The following RGPD2 variants were observed in gnomAD, a reference collection of about 807,000 sequenced individuals.
The protein encoded by RGPD2 is RANBP2 like and GRIP domain containing 2.
In RGPD2, 2 loss-of-function variants were observed where a neutral mutation model predicts 36.0. The observed-to-expected ratio is 0.06, with a 90% CI of 0.02 to 0.17. RGPD2 has a LOEUF of 0.17. Ranked by LOEUF, RGPD2 falls within the 10% of genes least tolerant of loss-of-function variation. The probability of loss-of-function intolerance (pLI) is 1.00; values close to 1 mark genes in which losing one functional copy is unlikely to be tolerated. For missense variants in RGPD2, 40 were observed against 464.3 expected (o/e 0.09, Z 8.40); for synonymous variants, 19 against 163.8 (o/e 0.12, Z 6.75).
At chr2:87,769,750 A>C (rs1304220802) in intron 22 of RGPD2, among the ~76,000 whole-genome samples, 2 of 151,262 alleles carry the variant, frequency 1.3e-5, no homozygotes, top group Non-Finnish European at 3.0e-5. Flanking sequence ...TATAACTATA[A>C]AATTAGTTAT....
the RGPD2 span, among the ~76,000 whole-genome samples, chr2:87,876,573 T>C: frequency 1.3e-5 from 2 of 152,306 alleles, no homozygotes; most frequent in Non-Finnish European, 2.9e-5. Flanking sequence ...TCAAATTTGA[T>C]TGCACTGTGG....
chr2:87,830,837 C>A, the RGPD2 span, among the ~76,000 whole-genome samples: 1 of 152,136 alleles, frequency 6.6e-6, no homozygotes, highest in South Asian at 2.1e-4. Flanking sequence ...TGGAAAAACC[C>A]ACCCCCATGA....
At chr2:87,957,236 T>TGGC in the RGPD2 span, among the ~76,000 whole-genome samples, 1 of 116,242 alleles carries the variant, frequency 8.6e-6, no homozygotes, top group African/African-American at 3.3e-5. Flanking sequence ...ACAAGGTCAC[T>TGGC]GGGGGGGGGC....
chr2:87,971,588 A>T, the RGPD2 span, among the ~76,000 whole-genome samples: 2 of 145,486 alleles, frequency 1.4e-5, no homozygotes, highest in Non-Finnish European at 3.0e-5. Flanking sequence ...CAAATCTAGG[A>T]TCTTTATTTT....
the RGPD2 span, among the ~76,000 whole-genome samples, chr2:87,988,190 C>T: frequency 7.6e-6 from 1 of 131,104 alleles, no homozygotes; most frequent in Admixed American, 8.4e-5. Flanking sequence ...TGGCAAATCC[C>T]TTCAATTCTA....
At chr2:87,984,685 C>T in the RGPD2 span, among the ~76,000 whole-genome samples, 1 of 146,906 alleles carries the variant, frequency 6.8e-6, no homozygotes, top group Admixed American at 6.9e-5. Context: ...AATCCCAGCA[C>T]TTTGGGAGGC....
At chr2:87,844,627 A>ATT in the RGPD2 span, among the ~76,000 whole-genome samples, 1 of 151,822 alleles carries the variant, frequency 6.6e-6, no homozygotes, top group Non-Finnish European at 1.5e-5. Context: ...GTGGAGATAC[A>ATT]TTATATATAT....
chr2:87,847,551 T>G, the RGPD2 span, among the ~76,000 whole-genome samples: 2 of 149,282 alleles, frequency 1.3e-5, no homozygotes, highest in Admixed American at 6.7e-5. Flanking sequence ...CAGGCTGGAG[T>G]GCAGTGGCGC....
the RGPD2 span, among the ~76,000 whole-genome samples, chr2:87,939,594 C>T: frequency 6.6e-6 from 1 of 151,922 alleles, no homozygotes; most frequent in Non-Finnish European, 1.5e-5. Flanking sequence ...ATTACCCATA[C>T]ATATCTCTGA....
chr2:87,905,178 G>A, the RGPD2 span, among the ~76,000 whole-genome samples: 1 of 152,224 alleles, frequency 6.6e-6, no homozygotes, highest in African/African-American at 2.4e-5. Context: ...ACATATATCT[G>A]CGTGGAGGAC....
chr2:87,824,280 T>C (rs1297185219), intron 1 of RGPD2, among the ~76,000 whole-genome samples: 1 of 151,770 alleles, frequency 6.6e-6, no homozygotes, highest in Non-Finnish European at 1.5e-5. Context: ...ACGAAGAATA[T>C]TTTTAAGAAG....
the RGPD2 span, among the ~76,000 whole-genome samples, chr2:87,834,543 T>C: frequency 6.6e-6 from 1 of 152,096 alleles, no homozygotes; most frequent in East Asian, 1.9e-4. Context: ...AATAGATTTT[T>C]TGCTTACTAG....
chr2:87,825,371 G>A (rs1574031653), intron 1 of RGPD2, among the ~76,000 whole-genome samples: 2 of 142,240 alleles, frequency 1.4e-5, no homozygotes, highest in South Asian at 2.1e-4. Context: ...CTCCTACGCC[G>A]AGGCCGCCGC....
chr2:87,834,828 A>C, the RGPD2 span, among the ~76,000 whole-genome samples: 2 of 151,890 alleles, frequency 1.3e-5, no homozygotes, highest in Admixed American at 1.3e-4. Flanking sequence ...GGTTAAGTGG[A>C]TTTGAAACTT....
At chr2:87,902,037 G>A in the RGPD2 span, among the ~76,000 whole-genome samples, 1 of 151,972 alleles carries the variant, frequency 6.6e-6, no homozygotes, top group Non-Finnish European at 1.5e-5. Context: ...CTCCTCTCTA[G>A]GGTAGTTAAG....
chr2:87,763,324 A>AT (rs1372168449), intron 22 of RGPD2, among the ~76,000 whole-genome samples: 2 of 150,300 alleles, frequency 1.3e-5, no homozygotes, highest in African/African-American at 5.0e-5. Context: ...CGTCTGGCTA[A>AT]TTTTTTGTAT....
the RGPD2 span, among the ~76,000 whole-genome samples, chr2:87,984,995 G>A: frequency 6.8e-6 from 1 of 147,926 alleles, no homozygotes; most frequent in Non-Finnish European, 1.5e-5. Flanking sequence ...GTACAGCTGA[G>A]CTACCTGGAA....
At chr2:87,988,541 A>ATATATATATATATATT in the RGPD2 span, among the ~76,000 whole-genome samples, 21 of 54,144 alleles carry the variant, frequency 3.9e-4, no homozygotes, top group South Asian at 3.2e-3. Context: ...ATATATATAT[A>ATATATATATATATATT]TTTTTTTTTT....
At chr2:87,976,073 G>A in the RGPD2 span, among the ~76,000 whole-genome samples, 1 of 150,472 alleles carries the variant, frequency 6.6e-6, no homozygotes, top group Middle Eastern at 3.4e-3. Context: ...CATCAAACCT[G>A]AGACCTGATA....
Sources: allele counts gnomAD v4.1 joint callset (sites outside exome capture counted in the v4.1 genomes callset), GRCh38; gene constraint gnomAD v4.1.1; transcripts MANE v1.5; gene names NCBI Gene and HGNC (gene_info 2026-07-23, HGNC 2026-07-21).